Variants in EEFSEC observed in about 807,000 individuals in gnomAD.
EEFSEC encodes eukaryotic elongation factor, selenocysteine-tRNA specific.
EEFSEC carries 43 observed loss-of-function variants against 42.1 expected under a neutral mutation model. The observed-to-expected ratio is 1.02, with a 90% CI of 0.80 to 1.32. The LOEUF is 1.32. Ranked by LOEUF, EEFSEC falls within the 40% of genes most tolerant of loss-of-function variation. The pLI is 0.00. For synonymous variants in EEFSEC, 354 were observed against 339.1 expected, an observed-to-expected ratio of 1.04 and a Z score of -0.48; for missense variants, 745 against 803.6, an observed-to-expected ratio of 0.93 and a Z score of 0.88.
intron 4 of EEFSEC, among the ~76,000 whole-genome samples, chr3:128,297,780 T>G (rs2066723459): frequency 6.6e-6 from 1 of 152,072 alleles, no homozygotes; most frequent in Non-Finnish European, 1.5e-5. Flanking sequence ...TGTTATAAAA[T>G]TAGGCACTTT....
intron 4 of EEFSEC, among the ~76,000 whole-genome samples, chr3:128,306,892 C>T (rs2066833207): frequency 6.6e-6 from 1 of 152,266 alleles, no homozygotes; most frequent in South Asian, 2.1e-4. Context: ...TAAAATCTTT[C>T]TACTTAGCCC....
intron 1 of EEFSEC, among the ~76,000 whole-genome samples, chr3:128,234,054 TTTA>T (rs2065984639): frequency 3.6e-5 from 4 of 111,206 alleles, no homozygotes; most frequent in African/African-American, 6.5e-5. Context: ...TATTTATTTA[TTTA>T]ATTTATTTAT....
At chr3:128,185,990 A>G (rs925009839) in intron 1 of EEFSEC, among the ~76,000 whole-genome samples, 7 of 152,126 alleles carry the variant, frequency 4.6e-5, no homozygotes, top group East Asian at 3.8e-4. Context: ...TGGTAACTCT[A>G]TGTTACCTTT....
intron 2 of EEFSEC, among the ~76,000 whole-genome samples, chr3:128,260,230 A>G (rs1343960475): frequency 6.6e-6 from 1 of 152,144 alleles, no homozygotes; most frequent in East Asian, 1.9e-4. Flanking sequence ...AAATCTTATT[A>G]TGGATTCCTT....
In EEFSEC at chr3:128,153,531, G is replaced by T; in HGVS notation, c.24G>T (p.Val8=). 1 of 1,518,884 alleles carries T rather than the reference G, an allele frequency of 6.6e-7. No individual in the cohort carries two copies. The allele number at this position is 1,518,884 out of a possible 1,614,324, so 94.1% of individuals were successfully genotyped here. A position where few individuals can be genotyped will look rare whatever the true frequency, so the allele number is the denominator to read the frequency against. The change falls in exon 1 of 7, where the codon GTG becomes GTT. Residue 8 remains valine (V), a synonymous_variant. Coordinates refer to ENST00000254730, the MANE Select transcript of EEFSEC (RefSeq NM_021937.5). Reference sequence around the variant, plus strand: ...GCATGGCAGGGCGGCGGGTGAACGTGAACGTGGGCGTGCTGGGCCACATCG... The same window carrying T: ...GCATGGCAGGGCGGCGGGTGAACGTTAACGTGGGCGTGCTGGGCCACATCG... MAGRRVN[V]NVGVLGHIDS... is the part of the protein sequence containing the mutation.
Position 128,246,881 on chromosome 3 carries a change from A to G in EEFSEC, c.362A>G (p.Lys121Arg). Residue 121 changes from lysine to arginine, a missense_variant, in exon 2 of 7, where the codon AAG (lysine) becomes AGG (arginine). Lys to Arg is a conservative substitution (Grantham distance 26). Transcript: ENST00000254730. ...DLMMLVIDVT[K>R]GMQTQSAECL... ...ATGATGCTGGTCATCGATGTGACCA[A>G]GGGGATGCAGACCCAGTCAGCGGAA... 1 of 1,614,188 alleles carries G rather than the reference A, an allele frequency of 6.2e-7. No individual in the cohort carries two copies. The highest frequency in any genetic ancestry group is 8.5e-7 in the Non-Finnish European group (1 of 1,180,020).
intron 6 of EEFSEC, among the ~76,000 whole-genome samples, chr3:128,395,202 G>A (rs1468869747): frequency 1.3e-5 from 2 of 152,198 alleles, no homozygotes; most frequent in Non-Finnish European, 2.9e-5. Context: ...CAAGCAGACA[G>A]GAGGTTTCAG....
chr3:128,162,398 A>C (rs796201824), intron 1 of EEFSEC, among the ~76,000 whole-genome samples: 7 of 152,338 alleles, frequency 4.6e-5, no homozygotes, highest in African/African-American at 1.7e-4. Context: ...GTGTACCACT[A>C]TTCAAGTACA....
rs548293218 is a variant in EEFSEC, at chr3:128,318,346, G to A, written c.787-22887G>A. 1.4e-4 allele frequency among the ~76,000 whole-genome samples: 22 copies of A among 152,348 alleles called. No homozygotes were observed. The South Asian group carries it at 1.9e-3, about 13-fold the overall frequency. ...TTTAACTGAGGTGGACTGAGTGACTGTTTTCCATCTCTGGCTTTTGGTTTC... is the reference window on the plus strand; with the variant it reads ...TTTAACTGAGGTGGACTGAGTGACTATTTTCCATCTCTGGCTTTTGGTTTC... On this transcript the variant is annotated intron_variant, in intron 4 of 6. Transcript: ENST00000254730.
intron 5 of EEFSEC, among the ~76,000 whole-genome samples, chr3:128,342,359 A>T (rs1010334775): frequency 1.2e-4 from 19 of 152,234 alleles, no homozygotes; most frequent in African/African-American, 4.1e-4. Flanking sequence ...CCAGAGGGAA[A>T]CACTGCCCAT....
chr3:128,293,505 CA>C (rs1379624758), intron 4 of EEFSEC, among the ~76,000 whole-genome samples: 1 of 151,534 alleles, frequency 6.6e-6, no homozygotes, highest in African/African-American at 2.4e-5. Context: ...ACTAAAAATA[CA>C]AAAAATTAGC....
chr3:128,329,519 C>T (rs1016810053), intron 4 of EEFSEC, among the ~76,000 whole-genome samples: 1 of 151,326 alleles, frequency 6.6e-6, no homozygotes, highest in South Asian at 2.1e-4. Context: ...GTGGCGGGGG[C>T]TGTGGGGGCC....
chr3:128,240,925 G>A (rs886280026), intron 1 of EEFSEC, among the ~76,000 whole-genome samples: 1 of 152,228 alleles, frequency 6.6e-6, no homozygotes, highest in African/African-American at 2.4e-5. Context: ...AATAAAAACA[G>A]CTGCAAATAA....
chr3:128,170,390 C>T (rs1018999682), intron 1 of EEFSEC, among the ~76,000 whole-genome samples: 8 of 151,692 alleles, frequency 5.3e-5, no homozygotes, highest in African/African-American at 1.7e-4. Context: ...GACGAAACCC[C>T]GTCTCTACTA....
At chr3:128,273,634 G>T (rs575850869) in intron 4 of EEFSEC, among the ~76,000 whole-genome samples, 5 of 152,342 alleles carry the variant, frequency 3.3e-5, no homozygotes, top group African/African-American at 1.2e-4. Flanking sequence ...CAGCTGTCCA[G>T]GCAGAGGGTA....
intron 4 of EEFSEC, among the ~76,000 whole-genome samples, chr3:128,338,823 G>A (rs527849769): frequency 1.6e-4 from 25 of 152,126 alleles, no homozygotes; most frequent in South Asian, 1.2e-3. Context: ...CCAGGAGACC[G>A]CCACCCATCA....
intron 5 of EEFSEC, among the ~76,000 whole-genome samples, chr3:128,350,054 C>T (rs2067364605): frequency 6.6e-6 from 1 of 152,208 alleles, no homozygotes; most frequent in Non-Finnish European, 1.5e-5. Flanking sequence ...CAGGGAAGGC[C>T]TTAGGGCTGG....
intron 5 of EEFSEC, among the ~76,000 whole-genome samples, chr3:128,346,785 T>C (rs1191626391): frequency 1.3e-5 from 2 of 152,258 alleles, no homozygotes; most frequent in Non-Finnish European, 2.9e-5. Flanking sequence ...ATAGACAATA[T>C]GTAAACAAAT....
At chr3:128,332,218 G>A (rs926449943) in intron 4 of EEFSEC, among the ~76,000 whole-genome samples, 4 of 152,148 alleles carry the variant, frequency 2.6e-5, no homozygotes, top group Non-Finnish European at 5.9e-5. Context: ...ACACAAATAT[G>A]AATAGATGTC....
Sources: gnomAD v4.1 joint callset for allele counts (sites outside exome capture counted in the v4.1 genomes callset) on GRCh38, gnomAD v4.1.1 for gene constraint, MANE v1.5 for transcripts, NCBI Gene and HGNC (gene_info 2026-07-23, HGNC 2026-07-21) for gene names.